GPR63: variants seen among roughly 807,000 people sequenced by gnomAD.
The protein encoded by GPR63 is G protein-coupled receptor 63.
GPR63 carries 12 observed loss-of-function variants against 23.1 expected under a neutral mutation model. The observed-to-expected ratio is 0.52, with a 90% CI of 0.33 to 0.84. The LOEUF is 0.84. Ranked by LOEUF, GPR63 falls within the 40% of genes least tolerant of loss-of-function variation. GPR63 has a pLI of 0.02. For missense variants in GPR63, 472 were observed against 515.6 expected, an observed-to-expected ratio of 0.92 and a Z score of 0.82; for synonymous variants, 172 against 191.1, an observed-to-expected ratio of 0.90 and a Z score of 0.82.
chr6:96,810,274 T>C (rs957473842), intron 1 of GPR63, among the ~76,000 whole-genome samples: 10 of 152,106 alleles, frequency 6.6e-5, no homozygotes, highest in Admixed American at 3.3e-4. Flanking sequence ...GGCAGGTGGA[T>C]AGCTTGAGGT....
Position 96,799,821 on chromosome 6 carries a change from G to A in GPR63, c.-90C>T. The A allele has an allele frequency of 7.6e-7, 1 of 1,308,776 alleles. No individual in the cohort carries two copies. Among genetic ancestry groups the A allele is most frequent in the Non-Finnish European group, 1.1e-6 (1 of 908,150 alleles). The allele number at this position is 1,308,776 out of a possible 1,614,324, so 81.1% of individuals were successfully genotyped here. A position where few individuals can be genotyped will look rare whatever the true frequency, so the allele number is the denominator to read the frequency against. The stretch of plus-strand genomic sequence containing the variant: ...CAGCAGTATCAGGTCCCATTGATGG[G>A]CTTGGAAATACATTCTGGAAAATGG... On this transcript the variant is annotated 5_prime_UTR_variant, in exon 2 of 2. Transcript: ENST00000229955.
chr6:96,818,904 C>A (rs1377999543), intron 1 of GPR63, among the ~76,000 whole-genome samples: 1 of 152,048 alleles, frequency 6.6e-6, no homozygotes, highest in Non-Finnish European at 1.5e-5. Context: ...ATGCAGCCAA[C>A]AAACATAGGA....
intron 1 of GPR63, among the ~76,000 whole-genome samples, chr6:96,824,211 C>G (rs534197960): frequency 1.3e-5 from 2 of 151,832 alleles, no homozygotes; most frequent in South Asian, 4.2e-4. Flanking sequence ...AAATAAAGAC[C>G]AAAAACAGAT....
At chr6:96,824,985 G>A (rs1480047391) in intron 1 of GPR63, among the ~76,000 whole-genome samples, 1 of 152,058 alleles carries the variant, frequency 6.6e-6, no homozygotes, top group African/African-American at 2.4e-5. Flanking sequence ...CACAATTCCT[G>A]GATTTTCTCT....
chr6:96,828,905 A>G, intron 1 of GPR63, among the ~76,000 whole-genome samples: 1 of 152,280 alleles, frequency 6.6e-6, no homozygotes, highest in Middle Eastern at 3.4e-3. Context: ...AAACAATACT[A>G]TTAGAGATAC....
In GPR63 at chr6:96,797,014, G is replaced by C. The variant is rs1018643006; in HGVS notation, c.*1458C>G. On this transcript the variant is annotated 3_prime_UTR_variant, in exon 2 of 2. Transcript: ENST00000229955. ...GTTTGAGCTCAGGACTCTGAGACCA[G>C]CCTGGGCAACATGGTGAAACCTTGT... 1.3e-5 allele frequency: 2 copies of C among 152,218 alleles called. No homozygotes were observed. Among genetic ancestry groups the C allele is most frequent in the Non-Finnish European group, 2.9e-5 (2 of 68,100 alleles). 9.4% of individuals were successfully genotyped at this position (152,218 alleles called of 1,614,324 possible).
rs1343877109 is a variant in GPR63, at chr6:96,797,507, C to T, written c.*965G>A. ...CACTAACCTTGGGCAGGATTTTAGT[C>T]CCTCTGAGACCTGCTTTCTTCACCT... On this transcript the variant is annotated 3_prime_UTR_variant, in exon 2 of 2. Transcript: ENST00000229955. 1 of 152,126 alleles carries T rather than the reference C, an allele frequency of 6.6e-6. No homozygotes were observed. The highest frequency in any genetic ancestry group is 6.6e-5 in the Admixed American group (1 of 15,262). 9.4% of individuals were successfully genotyped at this position (152,126 alleles called of 1,614,324 possible). A position where few individuals can be genotyped will look rare whatever the true frequency, so the allele number is the denominator to read the frequency against.
intron 1 of GPR63, among the ~76,000 whole-genome samples, chr6:96,832,065 TGAC>T (rs1303641084): frequency 6.6e-6 from 1 of 152,052 alleles, no homozygotes; most frequent in Non-Finnish European, 1.5e-5. Flanking sequence ...GATCATTCCA[TGAC>T]AAGGGAAGTG....
At chr6:96,810,948 T>A (rs1360970035) in intron 1 of GPR63, among the ~76,000 whole-genome samples, 1 of 152,230 alleles carries the variant, frequency 6.6e-6, no homozygotes, top group Non-Finnish European at 1.5e-5. Flanking sequence ...ACCTATCTTA[T>A]TTGTAACATA....
In GPR63 at chr6:96,795,653, A is replaced by G. The variant is rs760208414; in HGVS notation, c.*2819T>C. The G allele has an allele frequency of 4.6e-5, 7 of 152,188 alleles. No homozygotes were observed. The highest frequency in any genetic ancestry group is 8.8e-5 in the Non-Finnish European group (6 of 68,044). 9.4% of individuals were successfully genotyped at this position (152,188 alleles called of 1,614,324 possible). ...TCACCAAATGAGGCACTGCCTATTA[A>G]GCAGCATGAAAGTACCTAAAGACTG... On this transcript the variant is annotated 3_prime_UTR_variant, in exon 2 of 2. Coordinates refer to ENST00000229955, the MANE Select transcript of GPR63 (RefSeq NM_030784.4).
intron 1 of GPR63, among the ~76,000 whole-genome samples, chr6:96,811,585 C>T (rs945296748): frequency 3.9e-5 from 6 of 152,136 alleles, no homozygotes; most frequent in African/African-American, 1.4e-4. Flanking sequence ...ACCTTCATTC[C>T]TATCTTTCCT....
intron 1 of GPR63, among the ~76,000 whole-genome samples, chr6:96,802,284 T>C (rs1773784788): frequency 6.6e-6 from 1 of 152,188 alleles, no homozygotes; most frequent in Admixed American, 6.5e-5. Context: ...CCCACAACTA[T>C]AAAAACTTCT....
At chr6:96,825,824 A>C (rs1774425859) in intron 1 of GPR63, among the ~76,000 whole-genome samples, 3 of 151,952 alleles carry the variant, frequency 2.0e-5, no homozygotes, top group Admixed American at 2.0e-4. Flanking sequence ...AGCTTCATTT[A>C]CTACTATACT....
intron 1 of GPR63, among the ~76,000 whole-genome samples, chr6:96,806,226 A>G (rs1047800463): frequency 4.6e-5 from 7 of 152,198 alleles, no homozygotes; most frequent in African/African-American, 1.7e-4. Context: ...AGAGTCCTAA[A>G]AAAATTCAGA....
In GPR63 at chr6:96,833,884, T is replaced by C. The variant is rs139148882; in HGVS notation, c.-151+3384A>G. Among the ~76,000 whole-genome samples the C allele has an allele frequency of 7.6e-4, 115 of 152,308 alleles. 1 individual carries two copies. Among genetic ancestry groups the C allele is most frequent in the African/African-American group, 2.7e-3 (114 of 41,564 alleles). On this transcript the variant is annotated intron_variant, in intron 1 of 1. Coordinates refer to ENST00000229955, the MANE Select transcript of GPR63 (RefSeq NM_030784.4). ...GCATATCACTCAAAGGAAATGCTGA[T>C]AATAATAACCCTATTATTAATTTCA...
At chr6:96,834,751 A>T (rs1231745779) in intron 1 of GPR63, among the ~76,000 whole-genome samples, 1 of 152,202 alleles carries the variant, frequency 6.6e-6, no homozygotes, top group African/African-American at 2.4e-5. Flanking sequence ...GAAATGTGGT[A>T]ACAAACATAA....
chr6:96,829,725 G>C (rs1015879809), intron 1 of GPR63, among the ~76,000 whole-genome samples: 17 of 151,878 alleles, frequency 1.1e-4, no homozygotes, highest in Non-Finnish European at 1.5e-5. Flanking sequence ...ACTTAGAATT[G>C]TATGAAAACA....
chr6:96,824,809 C>T (rs1427262510), intron 1 of GPR63, among the ~76,000 whole-genome samples: 1 of 152,054 alleles, frequency 6.6e-6, no homozygotes, highest in Non-Finnish European at 1.5e-5. Flanking sequence ...ATTGTCCCCA[C>T]ATAGTAAGAC....
chr6:96,822,933 G>A (rs2127956871), intron 1 of GPR63, among the ~76,000 whole-genome samples: 1 of 152,272 alleles, frequency 6.6e-6, no homozygotes, highest in Admixed American at 6.5e-5. Context: ...TTATAATGGA[G>A]CTGAAAAATT....
Sources: gnomAD v4.1 joint callset for allele counts (sites outside exome capture counted in the v4.1 genomes callset) on GRCh38, gnomAD v4.1.1 for gene constraint, MANE v1.5 for transcripts, NCBI Gene and HGNC (gene_info 2026-07-23, HGNC 2026-07-21) for gene names.